The following KDM4D variants were observed in gnomAD, a reference collection of about 807,000 sequenced individuals.
The protein encoded by KDM4D is lysine-specific demethylase 4D.
For synonymous variants in KDM4D, 254 were observed against 249.1 expected (o/e 1.02, Z -0.19); for missense variants, 427 against 674.8 (o/e 0.63, Z 4.07).
chr11:94,999,043 T>A lies in KDM4D; in HGVS notation c.*99T>A. On this transcript the variant is annotated 3_prime_UTR_variant, in exon 3 of 3. Transcript: ENST00000335080. ...AAAACTTTGGTTGAGTTTGCAGGACTCTAGGCATGCATGAAAGAGCCCCCC... is the reference window on the plus strand; with the variant it reads ...AAAACTTTGGTTGAGTTTGCAGGACACTAGGCATGCATGAAAGAGCCCCCC... The A allele has an allele frequency of 8.3e-7, 1 of 1,207,220 alleles. No individual in the cohort carries two copies. The highest frequency in any genetic ancestry group is 1.1e-6 in the Non-Finnish European group (1 of 911,262). The allele number at this position is 1,207,220 out of a possible 1,614,324, so 74.8% of individuals were successfully genotyped here.
At chr11:94,980,789 GCT>G (rs1555097478) in intron 2 of KDM4D, among the ~76,000 whole-genome samples, 1 of 152,140 alleles carries the variant, frequency 6.6e-6, no homozygotes, top group African/African-American at 2.4e-5. Flanking sequence ...AACTTGCTAA[GCT>G]CTCTTATTAA....
chr11:94,993,092 T>C (rs1857948837), intron 2 of KDM4D, among the ~76,000 whole-genome samples: 1 of 152,078 alleles, frequency 6.6e-6, no homozygotes, highest in Non-Finnish European at 1.5e-5. Flanking sequence ...CTTACTCAGC[T>C]TCACTTCTTA....
chr11:94,995,714 G>A (rs1287905808), intron 2 of KDM4D, among the ~76,000 whole-genome samples: 1 of 152,142 alleles, frequency 6.6e-6, no homozygotes. Context: ...CTTTCCTAGT[G>A]TCCTAACAGG....
chr11:94,995,816 C>G (rs1857971180), intron 2 of KDM4D, among the ~76,000 whole-genome samples: 1 of 152,162 alleles, frequency 6.6e-6, no homozygotes, highest in Non-Finnish European at 1.5e-5. Flanking sequence ...GGTTCATTCT[C>G]CATTCAACCC....
intron 2 of KDM4D, among the ~76,000 whole-genome samples, chr11:94,983,623 C>T (rs372395275): frequency 1.3e-5 from 2 of 151,900 alleles, no homozygotes; most frequent in East Asian, 1.9e-4. Flanking sequence ...TGGAAAAAAT[C>T]GGCAAAAGGT....
rs781932328 is a variant in KDM4D at position 94,997,504 on chromosome 11, C to T, written c.132C>T (p.His44=). Residue 44 remains histidine, a synonymous_variant, in exon 3 of 3, where the codon CAC becomes CAT. Transcript: ENST00000335080. The part of the protein sequence containing the change: ...YIAYMESQGA[H]RAGLAKIIPP... ...CTTACATGGAATCCCAAGGTGCACA[C>T]AGAGCTGGCTTGGCTAAGATAATTC... is the stretch of plus-strand genomic sequence containing the variant. 1.9e-6 allele frequency: 3 copies of T among 1,614,130 alleles called. No individual in the cohort carries two copies. In the Admixed American group the frequency reaches 5.0e-5, roughly 27 times the overall value.
In KDM4D at chr11:94,998,345, G is replaced by A. The variant is rs1857993254; in HGVS notation, c.973G>A (p.Val325Met). ...ARVTFSMDAF[V>M]RILQPERYDL... Reference sequence around the variant, plus strand: ...GGTGACCTTTTCCATGGATGCCTTCGTGCGCATCCTGCAACCTGAACGCTA... The same window carrying A: ...GGTGACCTTTTCCATGGATGCCTTCATGCGCATCCTGCAACCTGAACGCTA... Residue 325 changes from valine (V) to methionine (M), a missense_variant, in exon 3 of 3, where the codon GTG becomes ATG. By Grantham distance (21) the Val-to-Met change is conservative. Transcript: ENST00000335080. This position sits in a 1 kb window ranked among gnomAD's most constrained non-coding sequence, Gnocchi z 6.7. 1.9e-6 allele frequency: 3 copies of A among 1,614,020 alleles called. No individual in the cohort carries two copies. Among genetic ancestry groups the A allele is most frequent in the East Asian group, 2.2e-5 (1 of 44,892 alleles).
chr11:94,986,971 T>C (rs1857893402), intron 2 of KDM4D, among the ~76,000 whole-genome samples: 1 of 152,240 alleles, frequency 6.6e-6, no homozygotes, highest in Admixed American at 6.5e-5. Context: ...TACCATAGAT[T>C]ATGATTTGGT....
rs190521970 is a variant in KDM4D at position 94,985,184 on chromosome 11, T to C, written c.-350+9436T>C. On this transcript the variant is annotated intron_variant, in intron 2 of 2. Coordinates refer to ENST00000335080, the MANE Select transcript of KDM4D (RefSeq NM_018039.3). ...AACTAAAACTATCTTTATTGACAGA[T>C]TGCATGATCTTATATATAGAAAGTC... Among the ~76,000 whole-genome samples, 4 of 152,282 alleles carry C rather than the reference T, an allele frequency of 2.6e-5. No individual in the cohort carries two copies. In the East Asian group the frequency reaches 5.8e-4, roughly 22 times the overall value.
chr11:94,987,231 G>A (rs1448090518), intron 2 of KDM4D, among the ~76,000 whole-genome samples: 1 of 152,164 alleles, frequency 6.6e-6, no homozygotes, highest in East Asian at 1.9e-4. Context: ...TTAGGTTTTG[G>A]TGATGGTCAC....
At position 94,997,988 on chromosome 11, in the gene KDM4D, C is replaced by T. The variant is rs782491473; in HGVS notation, c.616C>T (p.Leu206Phe). The T allele has an allele frequency of 6.2e-7, 1 of 1,614,252 alleles. No homozygotes were observed. Among genetic ancestry groups the T allele is most frequent in the African/African-American group, 1.3e-5 (1 of 75,064 alleles). The change falls in exon 3 of 3, where the codon CTT (leucine) becomes TTT (phenylalanine). Residue 206 changes from leucine to phenylalanine, a missense_variant. Coordinates refer to ENST00000335080, the MANE Select transcript of KDM4D (RefSeq NM_018039.3). ...CCTTTACAGCATCAACTACCTGCAC[C>T]TTGGGGAGCCCAAAACTTGGTATGT... ...MDLYSINYLH[L>F]GEPKTWYVVP...
At chr11:94,989,752 CTTTTT>C (rs587676047) in intron 2 of KDM4D, among the ~76,000 whole-genome samples, 237 of 122,824 alleles carry the variant, frequency 1.9e-3, no homozygotes, top group African/African-American at 6.9e-3. Context: ...CTCTCTCTTT[CTTTTT>C]TTTTTTTTTT....
At chr11:94,995,565 G>T (rs1857968937) in intron 2 of KDM4D, among the ~76,000 whole-genome samples, 1 of 152,112 alleles carries the variant, frequency 6.6e-6, no homozygotes, top group African/African-American at 2.4e-5. Context: ...TGGGAGGGGA[G>T]AAACAGTTTG....
At position 94,997,774 on chromosome 11, in the gene KDM4D, G is replaced by T; in HGVS notation, c.402G>T (p.Pro134=). 1.2e-6 allele frequency: 2 copies of T among 1,614,218 alleles called. No homozygotes were observed. Among genetic ancestry groups the T allele is most frequent in the Non-Finnish European group, 1.7e-6 (2 of 1,180,034 alleles). ...KYWKNRIYNS[P]IYGADISGSL... Reference sequence around the variant, plus strand: ...GGAAGAACCGCATCTATAATTCACCGATTTATGGTGCTGACATCAGTGGCT... The same window carrying T: ...GGAAGAACCGCATCTATAATTCACCTATTTATGGTGCTGACATCAGTGGCT... Residue 134 remains proline (P), a synonymous_variant, in exon 3 of 3, where the codon CCG becomes CCT. Transcript: ENST00000335080.
intron 2 of KDM4D, among the ~76,000 whole-genome samples, chr11:94,987,098 C>T (rs1268126780): frequency 6.6e-6 from 1 of 152,026 alleles, no homozygotes; most frequent in Non-Finnish European, 1.5e-5. Flanking sequence ...ATTAAATGTC[C>T]AGAGTGGGCA....
chr11:94,984,429 A>G lies in KDM4D; in HGVS notation c.-350+8681A>G, dbSNP rs587602741. Among the ~76,000 whole-genome samples, 3 of 152,246 alleles carry G rather than the reference A, an allele frequency of 2.0e-5. No individual in the cohort carries two copies. In the South Asian group the frequency reaches 6.2e-4, roughly 32 times the overall value. On this transcript the variant is annotated intron_variant, in intron 2 of 2. Transcript: ENST00000335080. ...AGGATGGCTTGAGCCTTGGAGAGGGAGGCTGCAGTGAGCCAAGACTGCACC... is the reference window on the plus strand; with the variant it reads ...AGGATGGCTTGAGCCTTGGAGAGGGGGGCTGCAGTGAGCCAAGACTGCACC...
At chr11:94,990,654 A>G (rs1173435847) in intron 2 of KDM4D, among the ~76,000 whole-genome samples, 3 of 152,238 alleles carry the variant, frequency 2.0e-5, no homozygotes, top group African/African-American at 7.2e-5. Flanking sequence ...GGTAGTGGCC[A>G]GTTTTGGAAA....
intron 2 of KDM4D, among the ~76,000 whole-genome samples, chr11:94,980,446 T>G (rs1441582555): frequency 2.0e-5 from 3 of 152,158 alleles, no homozygotes; most frequent in African/African-American, 7.2e-5. Flanking sequence ...AAAATACTTT[T>G]GGAATTTTAA....
At chr11:94,993,513 G>GTTTTT (rs201151130) in intron 2 of KDM4D, among the ~76,000 whole-genome samples, 1 of 142,046 alleles carries the variant, frequency 7.0e-6, no homozygotes. Flanking sequence ...ATTCTAAGCA[G>GTTTTT]TTTTTTTTTT....
Sources: gnomAD v4.1 joint callset for allele counts (sites outside exome capture counted in the v4.1 genomes callset) on GRCh38, gnomAD v4.1.1 for gene constraint, Gnocchi (gnomAD v3.1) non-coding constraint, MANE v1.5 for transcripts, NCBI Gene and HGNC (gene_info 2026-07-23, HGNC 2026-07-21) for gene names.